The following SCCPDH variants were observed in gnomAD, a reference collection of about 807,000 sequenced individuals.
The protein encoded by SCCPDH is saccharopine dehydrogenase (putative).
A neutral mutation model predicts 51.5 loss-of-function variants in SCCPDH; 34 were observed. The observed-to-expected ratio is 0.66, with a 90% CI of 0.50 to 0.88. The LOEUF (loss-of-function observed/expected upper bound fraction) is 0.88. Among genes scored for constraint, SCCPDH ranks in the 40% least tolerant of loss-of-function variants. The pLI is 0.00. For synonymous variants in SCCPDH, 187 were observed against 191.3 expected (o/e 0.98, Z 0.19); for missense variants, 464 against 527.1 (o/e 0.88, Z 1.17).
At chr1:246,735,069 A>G (rs1213478441) in intron 2 of SCCPDH, among the ~76,000 whole-genome samples, 2 of 152,286 alleles carry the variant, frequency 1.3e-5, no homozygotes, top group Non-Finnish European at 2.9e-5. Context: ...AAATCCAGTC[A>G]TTTCCACCTT....
At chr1:246,740,897 A>G (rs1266988338) in intron 4 of SCCPDH, among the ~76,000 whole-genome samples, 1 of 152,026 alleles carries the variant, frequency 6.6e-6, no homozygotes, top group Non-Finnish European at 1.5e-5. Flanking sequence ...CCTGGGCAAC[A>G]TAGTAAGACT....
rs776359601 is a variant in SCCPDH at position 246,760,217 on chromosome 1, C to A, written c.980C>A (p.Thr327Lys). 5 of 1,608,448 alleles carry A rather than the reference C, an allele frequency of 3.1e-6. No individual in the cohort carries two copies. The highest frequency in any genetic ancestry group is 4.2e-6 in the Non-Finnish European group (5 of 1,178,240). Residue 327 changes from threonine to lysine, a missense_variant, in exon 9 of 12, where the codon ACA (threonine) becomes AAA (lysine). Coordinates refer to ENST00000366510, the MANE Select transcript of SCCPDH (RefSeq NM_016002.3). ...GGCTATTTTTCAAAACAAGGCCCAA[C>A]ACAAAAACAGGTAATTTCTTTTGTA... ...SFGYFSKQGP[T>K]QKQIDAASFT... is the part of the protein sequence containing the mutation.
At position 246,726,986 on chromosome 1, in the gene SCCPDH, C is replaced by G; in HGVS notation, c.285C>G (p.Val95=). The change falls in exon 2 of 12, where the codon GTC becomes GTG. Residue 95 remains valine, a synonymous_variant. Coordinates refer to ENST00000366510, the MANE Select transcript of SCCPDH (RefSeq NM_016002.3). ...AAATGGCTAAACAGGCAACAGTTGT[C>G]CTCAATTGCGTAGGACCAGTAAGTA... ...LDEMAKQATV[V]LNCVGPYRFY... is the part of the protein sequence containing the mutation. The G allele has an allele frequency of 1.2e-6, 2 of 1,612,498 alleles. No homozygotes were observed. The highest frequency in any genetic ancestry group is 1.7e-6 in the Non-Finnish European group (2 of 1,178,468).
chr1:246,736,172 A>T (rs1668586616), intron 3 of SCCPDH, 117 bp downstream of exon 3: 3 of 659,078 alleles, frequency 4.6e-6, no homozygotes, highest in Non-Finnish European at 8.0e-6. Flanking sequence ...CCTTTCTAGC[A>T]TTCAGATATG....
chr1:246,759,791 C>T (rs540321923), intron 7 of SCCPDH, among the ~76,000 whole-genome samples, 166 bp from the exon 8 acceptor site: 1 of 152,302 alleles, frequency 6.6e-6, no homozygotes, highest in South Asian at 2.1e-4. Flanking sequence ...AATAGGCTCC[C>T]AATGTCTGGT....
At position 246,736,054 on chromosome 1, in the gene SCCPDH, A is replaced by G; in HGVS notation, c.383A>G (p.Gln128Arg). The change falls in exon 3 of 12, where the codon CAG becomes CGG. Residue 128 changes from glutamine (Q) to arginine (R), a missense_variant and splice_region_variant. By Grantham distance (43) the Gln-to-Arg change is conservative. Transcript: ENST00000366510. Reference sequence around the variant, plus strand: ...TGTATCGACATCAGTGGAGAACCTCAGGTATAAAAAATAAAAAGGAAAAAC... The same window carrying G: ...TGTATCGACATCAGTGGAGAACCTCGGGTATAAAAAATAAAAAGGAAAAAC... The part of the protein sequence containing the change: ...ASCIDISGEP[Q>R]FLELMQLKYH... 2 of 1,598,270 alleles carry G rather than the reference A, an allele frequency of 1.3e-6. No homozygotes were observed. The highest frequency in any genetic ancestry group is 1.1e-5 in the South Asian group (1 of 89,152).
intron 9 of SCCPDH, among the ~76,000 whole-genome samples, chr1:246,761,162 T>C (rs1365371535): frequency 6.6e-6 from 1 of 152,158 alleles, no homozygotes; most frequent in Non-Finnish European, 1.5e-5. Flanking sequence ...CTGGATGATA[T>C]GTTCCCTGTA....
chr1:246,765,002 TC>T (rs985037552), intron 10 of SCCPDH, among the ~76,000 whole-genome samples: 1 of 137,760 alleles, frequency 7.3e-6, no homozygotes, highest in African/African-American at 2.8e-5. Flanking sequence ...GACAGACAGG[TC>T]CACTTGTGAA....
chr1:246,757,570 G>T (rs1668951348), intron 5 of SCCPDH, among the ~76,000 whole-genome samples: 1 of 152,002 alleles, frequency 6.6e-6, no homozygotes, highest in African/African-American at 2.4e-5. Flanking sequence ...CAAATACTAA[G>T]GACTCTGTAC....
At chr1:246,732,010 A>G (rs1668499775) in intron 2 of SCCPDH, among the ~76,000 whole-genome samples, 1 of 152,052 alleles carries the variant, frequency 6.6e-6, no homozygotes, top group Admixed American at 6.6e-5. Flanking sequence ...GATGGTTTCC[A>G]GCTTCATCCA....
intron 10 of SCCPDH, 119 bp from the exon 11 acceptor site, chr1:246,765,939 C>A: frequency 1.5e-6 from 1 of 666,234 alleles, no homozygotes; most frequent in Non-Finnish European, 2.7e-6. Flanking sequence ...ACCAGAGTAT[C>A]TATTGAAAAA....
chr1:246,733,076 A>G (rs1291470149), intron 2 of SCCPDH, among the ~76,000 whole-genome samples: 7 of 152,246 alleles, frequency 4.6e-5, no homozygotes, highest in East Asian at 1.9e-4. Flanking sequence ...ACTAGAGGCT[A>G]TACTTTGTTT....
chr1:246,739,210 C>T (rs1313232643), intron 3 of SCCPDH, among the ~76,000 whole-genome samples: 1 of 152,128 alleles, frequency 6.6e-6, no homozygotes, highest in African/African-American at 2.4e-5. Flanking sequence ...TGAACACTGC[C>T]TCAGCCAGGT....
chr1:246,743,243 A>G (rs1382418972), intron 4 of SCCPDH, among the ~76,000 whole-genome samples: 1 of 151,998 alleles, frequency 6.6e-6, no homozygotes, highest in Non-Finnish European at 1.5e-5. Context: ...TGGTAGTAGT[A>G]GTCCCTAGGA....
intron 5 of SCCPDH, among the ~76,000 whole-genome samples, chr1:246,757,884 T>C (rs1453537161): frequency 6.6e-6 from 1 of 151,966 alleles, no homozygotes; most frequent in East Asian, 1.9e-4. Flanking sequence ...GCAGATCATA[T>C]GGGGCAGAAA....
intron 2 of SCCPDH, among the ~76,000 whole-genome samples, chr1:246,731,202 G>A (rs1309753433): frequency 3.3e-5 from 5 of 152,170 alleles, no homozygotes; most frequent in African/African-American, 1.2e-4. Context: ...GACAAGCACA[G>A]GGTACTAAGT....
chr1:246,726,185 C>T (rs952064571), intron 1 of SCCPDH, among the ~76,000 whole-genome samples: 6 of 152,188 alleles, frequency 3.9e-5, no homozygotes, highest in East Asian at 3.9e-4. Flanking sequence ...ACAGTCAGTC[C>T]GAAACTCTCC....
At chr1:246,754,624 C>T (rs1558172938) in intron 5 of SCCPDH, among the ~76,000 whole-genome samples, 2 of 152,212 alleles carry the variant, frequency 1.3e-5, no homozygotes, top group African/African-American at 2.4e-5. Flanking sequence ...GTGAGCAATT[C>T]CTGTCCCTTT....
chr1:246,763,751 T>C (rs1393288689), intron 9 of SCCPDH, among the ~76,000 whole-genome samples: 1 of 152,188 alleles, frequency 6.6e-6, no homozygotes, highest in Non-Finnish European at 1.5e-5. Context: ...TTCATAAAAA[T>C]GTGTTGATCA....
Sources: allele counts gnomAD v4.1 joint callset (sites outside exome capture counted in the v4.1 genomes callset), GRCh38; gene constraint gnomAD v4.1.1; transcripts MANE v1.5; gene names NCBI Gene and HGNC (gene_info 2026-07-23, HGNC 2026-07-21).